CIMIP7: variants seen among roughly 807,000 people sequenced by gnomAD.
CIMIP7 encodes the protein ciliary microtubule inner protein 7.
At chr3:49,190,497 A>G in the CIMIP7 span, among the ~76,000 whole-genome samples, 1 of 139,320 alleles carries the variant, frequency 7.2e-6, no homozygotes, top group Non-Finnish European at 1.6e-5. Context: ...TCTCTCCACA[A>G]TTTTTTTTTT....
At chr3:49,182,910 G>A in the CIMIP7 span, among the ~76,000 whole-genome samples, 2 of 152,176 alleles carry the variant, frequency 1.3e-5, no homozygotes, top group African/African-American at 2.4e-5. Context: ...CAGCCACTCC[G>A]AGTGCAGCCC....
the CIMIP7 span, among the ~76,000 whole-genome samples, chr3:49,187,310 G>A: frequency 6.6e-6 from 1 of 152,312 alleles, no homozygotes; most frequent in East Asian, 1.9e-4. Flanking sequence ...AGCAGGTAGA[G>A]CTAGGACTGG....
the CIMIP7 span, among the ~76,000 whole-genome samples, chr3:49,182,054 G>A: frequency 2.0e-5 from 3 of 152,142 alleles, no homozygotes; most frequent in Non-Finnish European, 4.4e-5. Context: ...GGGTGGGTTC[G>A]TGGTCTCACT....
At chr3:49,181,596 T>C in the CIMIP7 span, among the ~76,000 whole-genome samples, 1 of 152,116 alleles carries the variant, frequency 6.6e-6, no homozygotes, top group Non-Finnish European at 1.5e-5. Flanking sequence ...AGGTCAAGGG[T>C]GCAATGAGCC....
the CIMIP7 span, among the ~76,000 whole-genome samples, chr3:49,189,376 G>T: frequency 2.0e-5 from 3 of 152,132 alleles, no homozygotes; most frequent in East Asian, 5.8e-4. Context: ...CTCCCAAAGT[G>T]CTAGGATTAC....
At chr3:49,180,483 T>C in the CIMIP7 span, among the ~76,000 whole-genome samples, 2 of 152,172 alleles carry the variant, frequency 1.3e-5, no homozygotes, top group Non-Finnish European at 2.9e-5. Context: ...TCTCCTGCTG[T>C]AGACCTGAAG....
chr3:49,189,551 T>C, the CIMIP7 span, among the ~76,000 whole-genome samples: 1 of 152,194 alleles, frequency 6.6e-6, no homozygotes, highest in Non-Finnish European at 1.5e-5. Flanking sequence ...ATCACTCCTT[T>C]CCAGTATTCC....
At chr3:49,191,553 G>A in the CIMIP7 span, 1 of 703,718 alleles carries the variant, frequency 1.4e-6, no homozygotes, top group Non-Finnish European at 2.6e-6. Flanking sequence ...CATGGAAGGG[G>A]GCAAAGTGTT....
the CIMIP7 span, chr3:49,191,639 G>A: frequency 4.6e-6 from 6 of 1,302,074 alleles, no homozygotes; most frequent in African/African-American, 2.9e-5. Context: ...CCTATTCCAG[G>A]TTGGATGCCA....
chr3:49,180,438 G>A, the CIMIP7 span, among the ~76,000 whole-genome samples: 1 of 152,098 alleles, frequency 6.6e-6, no homozygotes, highest in African/African-American at 2.4e-5. Flanking sequence ...CTTGGCTTCT[G>A]CCTGCAGAGC....
At chr3:49,191,336 G>C in the CIMIP7 span, among the ~76,000 whole-genome samples, 1 of 152,206 alleles carries the variant, frequency 6.6e-6, no homozygotes, top group African/African-American at 2.4e-5. Context: ...TAGCTCAACA[G>C]TATTTATCAG....
chr3:49,181,604 G>C, the CIMIP7 span, among the ~76,000 whole-genome samples: 1 of 152,200 alleles, frequency 6.6e-6, no homozygotes, highest in East Asian at 1.9e-4. Flanking sequence ...GGTGCAATGA[G>C]CCATGATCGT....
the CIMIP7 span, among the ~76,000 whole-genome samples, chr3:49,183,935 G>A: frequency 6.6e-6 from 1 of 152,198 alleles, no homozygotes; most frequent in African/African-American, 2.4e-5. Flanking sequence ...TAATTTGGAT[G>A]AATCTCTAGG....
At chr3:49,180,570 T>C in the CIMIP7 span, among the ~76,000 whole-genome samples, 1 of 152,138 alleles carries the variant, frequency 6.6e-6, no homozygotes, top group Non-Finnish European at 1.5e-5. Context: ...CCAGATAAAA[T>C]ACAGGGGCTG....
the CIMIP7 span, chr3:49,190,049 T>C: frequency 1.9e-6 from 3 of 1,613,664 alleles, no homozygotes; most frequent in African/African-American, 4.0e-5. Flanking sequence ...GGAACACTGC[T>C]GGAGGCTGGG....
At chr3:49,181,480 C>T in the CIMIP7 span, among the ~76,000 whole-genome samples, 1 of 152,004 alleles carries the variant, frequency 6.6e-6, no homozygotes, top group East Asian at 1.9e-4. Context: ...GAAAGGCTCC[C>T]AGACACTGTC....
the CIMIP7 span, among the ~76,000 whole-genome samples, chr3:49,182,897 G>T: frequency 2.1e-4 from 32 of 152,260 alleles, 1 homozygote; most frequent in African/African-American, 7.0e-4. Context: ...GGGGCGGGGG[G>T]GCCAGCCACT....
At chr3:49,186,073 T>C in the CIMIP7 span, among the ~76,000 whole-genome samples, 1 of 149,898 alleles carries the variant, frequency 6.7e-6, no homozygotes, top group East Asian at 2.0e-4. Context: ...CAATCTCGGC[T>C]CACCACAACC....
the CIMIP7 span, among the ~76,000 whole-genome samples, chr3:49,191,062 T>C: frequency 6.6e-6 from 1 of 152,272 alleles, no homozygotes; most frequent in South Asian, 2.1e-4. Flanking sequence ...TGTCATTACG[T>C]GTACACTCTG....
Sources: allele counts gnomAD v4.1 joint callset (sites outside exome capture counted in the v4.1 genomes callset), GRCh38; gene constraint gnomAD v4.1.1; transcripts MANE v1.5; gene names NCBI Gene and HGNC (gene_info 2026-07-23, HGNC 2026-07-21).